The following LRP1B variants were observed in gnomAD, a reference collection of about 807,000 sequenced individuals.
LRP1B encodes the protein low-density lipoprotein receptor-related protein 1B.
Under a neutral mutation model 556.6 loss-of-function variants are expected in LRP1B, and 217 were observed. The observed-to-expected ratio is 0.39, with a 90% CI of 0.35 to 0.44. LRP1B has a LOEUF of 0.44. Ranked by LOEUF, LRP1B falls within the 20% of genes least tolerant of loss-of-function variation. The pLI, the probability that LRP1B is intolerant of heterozygous loss-of-function variation, is 1.00. For synonymous variants in LRP1B, 2,047 were observed against 1,865.8 expected (o/e 1.10, Z -2.50); for missense variants, 5,053 against 5,620.8 (o/e 0.90, Z 3.23).
chr2:141,921,736 A>C (rs1041949582), intron 1 of LRP1B, among the ~76,000 whole-genome samples: 1 of 152,026 alleles, frequency 6.6e-6, no homozygotes, highest in Admixed American at 6.6e-5. Flanking sequence ...TGACCAAATA[A>C]ATATTTCCTA....
intron 2 of LRP1B, among the ~76,000 whole-genome samples, chr2:141,684,327 A>T (rs1337475088): frequency 6.6e-6 from 1 of 152,134 alleles, no homozygotes; most frequent in African/African-American, 2.4e-5. Flanking sequence ...GATGGAAACC[A>T]TCATTCTCAG....
At chr2:140,674,983 G>C (rs1180993750) in intron 41 of LRP1B, among the ~76,000 whole-genome samples, 1 of 152,182 alleles carries the variant, frequency 6.6e-6, no homozygotes, top group Non-Finnish European at 1.5e-5. Flanking sequence ...AGAGACTCTG[G>C]GAGAGGATCT....
At chr2:141,070,799 A>G (rs1431518986) in intron 7 of LRP1B, among the ~76,000 whole-genome samples, 1 of 152,108 alleles carries the variant, frequency 6.6e-6, no homozygotes, top group Non-Finnish European at 1.5e-5. Context: ...CCCAAGACTA[A>G]ACCAGGAAAA....
chr2:140,595,328 C>T (rs1682399910), intron 43 of LRP1B, among the ~76,000 whole-genome samples: 1 of 151,608 alleles, frequency 6.6e-6, no homozygotes, highest in African/African-American at 2.4e-5. Context: ...CTAACAATAA[C>T]AGTTGGATTT....
intron 3 of LRP1B, among the ~76,000 whole-genome samples, chr2:141,262,276 AGTGT>A (rs58446704): frequency 1.5e-4 from 23 of 150,048 alleles, no homozygotes; most frequent in Admixed American, 5.3e-4. Flanking sequence ...AGCGAGACGG[AGTGT>A]GTGTGTGTGT....
chr2:141,723,464 G>C (rs1692916725), intron 2 of LRP1B, among the ~76,000 whole-genome samples: 1 of 151,504 alleles, frequency 6.6e-6, no homozygotes, highest in Admixed American at 6.6e-5. Flanking sequence ...TTAGGGTATA[G>C]CTATAGAACT....
Position 140,282,985 on chromosome 2 carries a change from C to T in LRP1B, c.12968-8387G>A, listed in dbSNP as rs1682978792. On this transcript the variant is annotated intron_variant, in intron 84 of 90. Coordinates refer to ENST00000389484, the MANE Select transcript of LRP1B (RefSeq NM_018557.3). Reference sequence around the variant, plus strand: ...CTACAGCATTATCATTTACTTACATCTAATTTCGGATGAGGACATTTGAAA... The same window carrying T: ...CTACAGCATTATCATTTACTTACATTTAATTTCGGATGAGGACATTTGAAA... Among the ~76,000 whole-genome samples, 5 of 151,870 alleles carry T rather than the reference C, an allele frequency of 3.3e-5. No homozygotes were observed. The South Asian group carries it at 1.0e-3, about 32-fold the overall frequency.
chr2:141,834,067 G>A (rs138096843), intron 1 of LRP1B, among the ~76,000 whole-genome samples: 4 of 151,848 alleles, frequency 2.6e-5, no homozygotes, highest in African/African-American at 7.2e-5. Flanking sequence ...TCAAAACTAC[G>A]TGATTATAGG....
At chr2:141,774,270 T>G (rs7604502) in intron 2 of LRP1B, among the ~76,000 whole-genome samples, 113,190 of 152,044 alleles carry the variant, frequency 0.74, 42,434 homozygotes, top group Non-Finnish European at 0.79. Context: ...TTGGCTCATG[T>G]TTCTGCAGGC....
intron 47 of LRP1B, among the ~76,000 whole-genome samples, chr2:140,528,426 A>T (rs1011682993): frequency 7.9e-5 from 12 of 152,002 alleles, no homozygotes; most frequent in Admixed American, 5.3e-4. Context: ...TAATAAGCAT[A>T]AGGAAATAGA....
At chr2:141,279,824 A>G (rs938673049) in intron 3 of LRP1B, among the ~76,000 whole-genome samples, 1 of 152,086 alleles carries the variant, frequency 6.6e-6, no homozygotes, top group Non-Finnish European at 1.5e-5. Context: ...GTTGGTGAAG[A>G]TAAGGGATAA....
chr2:140,857,077 G>C (rs985816311), intron 27 of LRP1B, among the ~76,000 whole-genome samples: 1 of 151,982 alleles, frequency 6.6e-6, no homozygotes, highest in Non-Finnish European at 1.5e-5. Context: ...GATTCAAACT[G>C]TATTTAATTA....
At chr2:141,068,304 A>G (rs138884707) in intron 7 of LRP1B, among the ~76,000 whole-genome samples, 3,025 of 152,024 alleles carry the variant, frequency 0.02, 34 homozygotes, top group Middle Eastern at 0.027. Context: ...AGAAAGGAAA[A>G]TAGTTCTCTC....
chr2:140,415,893 G>A (rs1014279035), intron 66 of LRP1B, among the ~76,000 whole-genome samples: 1 of 152,216 alleles, frequency 6.6e-6, no homozygotes, highest in Non-Finnish European at 1.5e-5. Flanking sequence ...AGTTGCAAAT[G>A]CAAGTTTGGC....
At chr2:140,542,643 T>G (rs1184962676) in intron 43 of LRP1B, among the ~76,000 whole-genome samples, 1 of 152,172 alleles carries the variant, frequency 6.6e-6, no homozygotes, top group East Asian at 1.9e-4. Flanking sequence ...GTGCATCCCA[T>G]GGCATCCACC....
chr2:141,460,139 G>A (rs113373057), intron 3 of LRP1B, among the ~76,000 whole-genome samples: 14 of 152,220 alleles, frequency 9.2e-5, no homozygotes, highest in African/African-American at 1.4e-4. Flanking sequence ...TTGACAATGC[G>A]TTACATTCAA....
chr2:141,187,112 C>T (rs1297564989), intron 7 of LRP1B, among the ~76,000 whole-genome samples: 2 of 152,006 alleles, frequency 1.3e-5, no homozygotes, highest in Non-Finnish European at 1.5e-5. Context: ...TGCCCTTATC[C>T]AACAACCCAA....
chr2:140,908,985 G>A (rs1271984561), intron 21 of LRP1B, among the ~76,000 whole-genome samples: 1 of 152,028 alleles, frequency 6.6e-6, no homozygotes, highest in East Asian at 1.9e-4. Flanking sequence ...TTTTAGTAGA[G>A]ATGGGGTTTC....
chr2:141,758,634 C>A (rs1347424092), intron 2 of LRP1B, among the ~76,000 whole-genome samples: 1 of 151,918 alleles, frequency 6.6e-6, no homozygotes. Flanking sequence ...TTGCTTGTTA[C>A]AATCTAGATA....
Sources: allele counts gnomAD v4.1 joint callset (sites outside exome capture counted in the v4.1 genomes callset), GRCh38; gene constraint gnomAD v4.1.1; transcripts MANE v1.5; gene names NCBI Gene and HGNC (gene_info 2026-07-23, HGNC 2026-07-21).